Variants in PRKCH observed in about 807,000 individuals in gnomAD.
PRKCH encodes protein kinase C eta type.
A neutral mutation model predicts 82.5 loss-of-function variants in PRKCH; 28 were observed. That is an observed-to-expected ratio of 0.34 (90% CI 0.25 to 0.47). The LOEUF (loss-of-function observed/expected upper bound fraction) is 0.47, where lower values mean the gene tolerates loss of function less well. Among genes scored for constraint, PRKCH ranks in the 20% least tolerant of loss-of-function variants. The pLI, the probability that PRKCH is intolerant of heterozygous loss-of-function variation, is 1.00. For missense variants in PRKCH, 705 were observed against 881.8 expected, an observed-to-expected ratio of 0.80 and a Z score of 2.54; for synonymous variants, 322 against 327.4, an observed-to-expected ratio of 0.98 and a Z score of 0.18.
chr14:61,549,580 T>C (rs971286468), intron 13 of PRKCH, 105 bp from the exon 14 acceptor site: 1 of 1,254,458 alleles, frequency 8.0e-7, no homozygotes, highest in Non-Finnish European at 1.1e-6. Flanking sequence ...CTGAACAAGC[T>C]ACAGAGCACT....
intron 1 of PRKCH, among the ~76,000 whole-genome samples, chr14:61,220,916 C>T (rs1055192490): frequency 2.6e-5 from 4 of 152,076 alleles, no homozygotes; most frequent in East Asian, 1.9e-4. Context: ...AGACAGCCCA[C>T]GTTCTGGTAA....
intron 10 of PRKCH, among the ~76,000 whole-genome samples, chr14:61,517,778 G>A (rs2042849150): frequency 6.6e-6 from 1 of 152,202 alleles, no homozygotes. Context: ...TAATGTTAAA[G>A]AGGGAATTGA....
At chr14:61,343,596 A>G (rs2140140640) in intron 1 of PRKCH, among the ~76,000 whole-genome samples, 1 of 152,344 alleles carries the variant, frequency 6.6e-6, no homozygotes, top group Admixed American at 6.5e-5. Context: ...TAAAAAATAT[A>G]TATCTAATGT....
At chr14:61,216,901 T>C (rs1444166944) in intron 1 of PRKCH, among the ~76,000 whole-genome samples, 1 of 152,216 alleles carries the variant, frequency 6.6e-6, no homozygotes, top group Non-Finnish European at 1.5e-5. Context: ...CGTTTAAAAA[T>C]GTAAAACGGT....
At position 61,485,636 on chromosome 14, in the gene PRKCH, T is replaced by C; in HGVS notation, c.1413T>C (p.His471=). The C allele has an allele frequency of 6.2e-7, 1 of 1,614,132 alleles. No homozygotes were observed. Residue 471 remains histidine, a synonymous_variant, in exon 10 of 14, where the codon CAT becomes CAC. Transcript: ENST00000332981. Reference sequence around the variant, plus strand: ...TCATTTCGGCTCTCATGTTCCTCCATGATAAAGGAATCATCTATAGGTGAG... The same window carrying C: ...TCATTTCGGCTCTCATGTTCCTCCACGATAAAGGAATCATCTATAGGTGAG... ...AEIISALMFL[H]DKGIIYRDLK...
At chr14:61,467,151 C>G (rs1885298272) in intron 9 of PRKCH, among the ~76,000 whole-genome samples, 1 of 152,192 alleles carries the variant, frequency 6.6e-6, no homozygotes, top group African/African-American at 2.4e-5. Context: ...ATTCATCTTT[C>G]AGAATTTTCC....
rs1480676087 is a variant in PRKCH at position 61,280,973 on chromosome 14, C to G, written c.-19+93305C>G. 1.3e-6 allele frequency: 2 copies of G among 1,542,842 alleles called. No individual in the cohort carries two copies. Among genetic ancestry groups the G allele is most frequent in the Non-Finnish European group, 1.7e-6 (2 of 1,147,150 alleles). ...TAGTCGTACTCCAGCTCCTTGATGC[C>G]GTTGGAGGAGTAGTAGAGGCCCAGG... On this transcript the variant is annotated intron_variant, in intron 1 of 3. Transcript: ENST00000555185. The surrounding 1 kb of genome is among the most constrained non-coding windows in gnomAD (Gnocchi z 5.0).
chr14:61,228,539 A>T (rs760947126), intron 1 of PRKCH, among the ~76,000 whole-genome samples: 1 of 152,150 alleles, frequency 6.6e-6, no homozygotes, highest in Non-Finnish European at 1.5e-5. Flanking sequence ...CATCTTGAGG[A>T]CTTGCAATAT....
At chr14:61,506,199 G>A (rs895124186) in intron 10 of PRKCH, among the ~76,000 whole-genome samples, 4 of 152,086 alleles carry the variant, frequency 2.6e-5, no homozygotes, top group Non-Finnish European at 5.9e-5. Context: ...CTATTCCTAC[G>A]CAGTTTGGAT....
intron 9 of PRKCH, among the ~76,000 whole-genome samples, chr14:61,464,374 TG>T (rs200620458): frequency 0.023 from 3,467 of 151,900 alleles, 142 homozygotes; most frequent in African/African-American, 0.079. Flanking sequence ...GGTTTTGTTT[TG>T]TTTTTTTTTT....
chr14:61,383,334 T>C (rs1000741332), intron 1 of PRKCH, among the ~76,000 whole-genome samples: 5 of 152,242 alleles, frequency 3.3e-5, no homozygotes, highest in Admixed American at 2.0e-4. Flanking sequence ...CAGATATGTA[T>C]TGAGTGTTTA....
intron 1 of PRKCH, among the ~76,000 whole-genome samples, chr14:61,219,286 T>C (rs1439232414): frequency 6.6e-6 from 1 of 152,240 alleles, no homozygotes; most frequent in Non-Finnish European, 1.5e-5. Context: ...TTGAGTTTCA[T>C]ATAAATAAGA....
At chr14:61,305,643 T>C (rs544243928) in intron 1 of PRKCH, 1 of 152,334 alleles carries the variant, frequency 6.6e-6, no homozygotes, top group South Asian at 2.1e-4. Flanking sequence ...AACCATCGAA[T>C]AAATTTTACA....
chr14:61,436,818 C>T (rs183555892), intron 2 of PRKCH, among the ~76,000 whole-genome samples: 12 of 152,362 alleles, frequency 7.9e-5, no homozygotes, highest in Admixed American at 5.9e-4. Flanking sequence ...AGGCATGAGC[C>T]GCCACACCCG....
At chr14:61,464,507 A>C (rs1885168845) in intron 9 of PRKCH, among the ~76,000 whole-genome samples, 1 of 152,066 alleles carries the variant, frequency 6.6e-6, no homozygotes, top group African/African-American at 2.4e-5. Context: ...TCCAGGTTTT[A>C]AGCCCCGAAT....
At chr14:61,364,257 T>C (rs1437522210) in intron 1 of PRKCH, among the ~76,000 whole-genome samples, 1 of 151,580 alleles carries the variant, frequency 6.6e-6, no homozygotes, top group Non-Finnish European at 1.5e-5. Flanking sequence ...CAAGATAGAA[T>C]GGGATTGGGA....
At chr14:61,231,333 A>G (rs1419802541) in intron 1 of PRKCH, among the ~76,000 whole-genome samples, 2 of 152,026 alleles carry the variant, frequency 1.3e-5, no homozygotes, top group African/African-American at 4.8e-5. Context: ...TAACTGATCA[A>G]TACATTTAAG....
At chr14:61,384,747 C>T (rs2046561671) in intron 1 of PRKCH, among the ~76,000 whole-genome samples, 1 of 152,006 alleles carries the variant, frequency 6.6e-6, no homozygotes, top group African/African-American at 2.4e-5. Context: ...GAAATGCTTT[C>T]CCGAGTGGCT....
chr14:61,265,331 A>G (rs2045088889), intron 1 of PRKCH, among the ~76,000 whole-genome samples: 2 of 152,120 alleles, frequency 1.3e-5, no homozygotes, highest in Admixed American at 6.5e-5. Context: ...AAATACAAAA[A>G]TTAGCAGGGC....
Sources: allele counts gnomAD v4.1 joint callset (sites outside exome capture counted in the v4.1 genomes callset), GRCh38; gene constraint gnomAD v4.1.1; non-coding constraint Gnocchi (gnomAD v3.1); transcripts MANE v1.5; gene names NCBI Gene and HGNC (gene_info 2026-07-23, HGNC 2026-07-21).